LINC00305: variants seen among roughly 807,000 people sequenced by gnomAD.
The protein encoded by LINC00305 is long independently transcribed non-coding RNA 305.
chr18:64,100,831 G>T (rs191930965), intron 1 of LINC00305, among the ~76,000 whole-genome samples: 1 of 152,242 alleles, frequency 6.6e-6, no homozygotes, highest in African/African-American at 2.4e-5. Flanking sequence ...GAGAGGGAGA[G>T]CCATGAATGA....
At chr18:64,100,756 C>CAT (rs2051265042) in intron 1 of LINC00305, among the ~76,000 whole-genome samples, 1 of 152,078 alleles carries the variant, frequency 6.6e-6, no homozygotes, top group South Asian at 2.1e-4. Context: ...CCTGTGTGTC[C>CAT]ATATATGGCT....
intron 1 of LINC00305, among the ~76,000 whole-genome samples, chr18:64,109,116 GA>G (rs1025289130): frequency 3.3e-5 from 5 of 152,172 alleles, no homozygotes; most frequent in African/African-American, 1.2e-4. Context: ...TAGGATTTGA[GA>G]AAAATGTATT....
chr18:64,147,710 G>C (rs955398014), intron 1 of LINC00305, among the ~76,000 whole-genome samples: 1 of 152,156 alleles, frequency 6.6e-6, no homozygotes, highest in African/African-American at 2.4e-5. Flanking sequence ...ATTGCACTGG[G>C]ATGCAAAGGG....
At chr18:64,107,641 T>C (rs2051296841) in intron 1 of LINC00305, among the ~76,000 whole-genome samples, 1 of 152,188 alleles carries the variant, frequency 6.6e-6, no homozygotes, top group Admixed American at 6.5e-5. Context: ...GAAACCAGGC[T>C]TGCCCAAGTA....
intron 1 of LINC00305, among the ~76,000 whole-genome samples, chr18:64,145,535 T>C (rs1235201953): frequency 1.3e-5 from 2 of 152,178 alleles, no homozygotes; most frequent in African/African-American, 2.4e-5. Context: ...GAGAGCCCCA[T>C]TGCATTGTGG....
At chr18:64,115,441 G>A (rs2051333345) in intron 1 of LINC00305, among the ~76,000 whole-genome samples, 1 of 152,146 alleles carries the variant, frequency 6.6e-6, no homozygotes, top group Non-Finnish European at 1.5e-5. Context: ...GGAAAATGAG[G>A]TAGGAATGAT....
At chr18:64,139,695 T>G (rs1176818610) in intron 1 of LINC00305, 1 of 151,974 alleles carries the variant, frequency 6.6e-6, no homozygotes, top group Non-Finnish European at 1.5e-5. Flanking sequence ...AGGCATCCAG[T>G]GTAGATCTGC....
At chr18:64,083,451 C>T (rs951112178) in intron 3 of LINC00305, among the ~76,000 whole-genome samples, 4 of 152,208 alleles carry the variant, frequency 2.6e-5, no homozygotes, top group East Asian at 3.8e-4. Context: ...CTAGGCAATA[C>T]GCATTTAAAC....
chr18:64,109,667 A>G (rs995372274), intron 1 of LINC00305, among the ~76,000 whole-genome samples: 4 of 152,200 alleles, frequency 2.6e-5, no homozygotes, highest in African/African-American at 9.6e-5. Context: ...AATCTTAACA[A>G]CAACTCTGGT....
At chr18:64,122,561 A>G (rs1172321820) in intron 1 of LINC00305, among the ~76,000 whole-genome samples, 1 of 152,104 alleles carries the variant, frequency 6.6e-6, no homozygotes, top group Non-Finnish European at 1.5e-5. Context: ...TTTTTATACC[A>G]GTACTATACT....
intron 1 of LINC00305, among the ~76,000 whole-genome samples, chr18:64,135,015 G>A (rs913444967): frequency 3.3e-5 from 5 of 152,122 alleles, no homozygotes; most frequent in African/African-American, 1.2e-4. Context: ...TTGTCTCATG[G>A]TTCTGGAAAC....
At chr18:64,118,046 C>T (rs1466495721) in intron 1 of LINC00305, among the ~76,000 whole-genome samples, 1 of 152,078 alleles carries the variant, frequency 6.6e-6, no homozygotes, top group African/African-American at 2.4e-5. Context: ...CTCAGAGATC[C>T]TTGAGTTCTC....
chr18:64,101,616 G>A (rs1303392225), intron 1 of LINC00305, among the ~76,000 whole-genome samples: 1 of 152,066 alleles, frequency 6.6e-6, no homozygotes, highest in Non-Finnish European at 1.5e-5. Context: ...CCTAATCCAC[G>A]ATGACTTCAT....
chr18:64,125,729 G>A lies in LINC00305; in HGVS notation n.314+23046C>T, dbSNP rs983775869. ...TTACCTTGTGCTATGGTTTGAATGT[G>A]TTGCCCCAAAACCATGCAATGAAAA... On this transcript the variant is annotated intron_variant and non_coding_transcript_variant, in intron 1 of 3. Coordinates refer to ENST00000666468, the Ensembl canonical transcript of LINC00305. Among the ~76,000 whole-genome samples, 13 of 152,088 alleles carry A rather than the reference G, an allele frequency of 8.5e-5. No individual in the cohort carries two copies. In the South Asian group the frequency reaches 2.3e-3, roughly 27 times the overall value.
At position 64,117,473 on chromosome 18, in the gene LINC00305, C is replaced by A. The variant is rs111322724; in HGVS notation, n.315-18833G>T. On this transcript the variant is annotated intron_variant and non_coding_transcript_variant, in intron 1 of 3. Transcript: ENST00000666468. ...ATTCATTTCAGGTGGCTTCAAAATCCGTGAATTTTATATGTCTTGTGCTAT... is the reference window on the plus strand; with the variant it reads ...ATTCATTTCAGGTGGCTTCAAAATCAGTGAATTTTATATGTCTTGTGCTAT... Among the ~76,000 whole-genome samples the A allele has an allele frequency of 5.9e-5, 9 of 152,192 alleles. No individual in the cohort carries two copies. In the East Asian group the frequency reaches 1.2e-3, roughly 20 times the overall value.
chr18:64,106,000 T>C (rs759143601), intron 1 of LINC00305, among the ~76,000 whole-genome samples: 4 of 152,270 alleles, frequency 2.6e-5, no homozygotes, highest in East Asian at 3.8e-4. Flanking sequence ...CAGGAATGCA[T>C]GTAACATTGT....
At chr18:64,131,167 C>T (rs949182890) in intron 1 of LINC00305, among the ~76,000 whole-genome samples, 11 of 152,170 alleles carry the variant, frequency 7.2e-5, no homozygotes, top group African/African-American at 2.7e-4. Context: ...ATAATACGTT[C>T]ATCAATTGAT....
At chr18:64,110,646 C>G (rs900692363) in intron 1 of LINC00305, among the ~76,000 whole-genome samples, 3 of 152,028 alleles carry the variant, frequency 2.0e-5, no homozygotes, top group African/African-American at 7.2e-5. Context: ...TTAGCCTTGT[C>G]TGGATATTTA....
At chr18:64,147,842 T>C (rs1379748771) in intron 1 of LINC00305, among the ~76,000 whole-genome samples, 1 of 152,118 alleles carries the variant, frequency 6.6e-6, no homozygotes, top group Non-Finnish European at 1.5e-5. Context: ...AAGGACCAAG[T>C]CTCCTGTGTG....
Sources: allele counts gnomAD v4.1 joint callset (sites outside exome capture counted in the v4.1 genomes callset), GRCh38; gene constraint gnomAD v4.1.1; transcripts MANE v1.5; gene names NCBI Gene and HGNC (gene_info 2026-07-23, HGNC 2026-07-21).